SUFU: variants seen among roughly 807,000 people sequenced by gnomAD.
SUFU encodes suppressor of fused homolog.
SUFU carries 7 observed loss-of-function variants against 58.9 expected under a neutral mutation model. That is an observed-to-expected ratio of 0.12 (90% CI 0.07 to 0.22). The LOEUF (loss-of-function observed/expected upper bound fraction) is 0.22, where lower values mean the gene tolerates loss of function less well. Among genes scored for constraint, SUFU ranks in the 10% least tolerant of loss-of-function variants. The probability of loss-of-function intolerance (pLI) is 1.00; values close to 1 mark genes in which losing one functional copy is unlikely to be tolerated. For missense variants in SUFU, 451 were observed against 641.3 expected, an observed-to-expected ratio of 0.70 and a Z score of 3.20; for synonymous variants, 232 against 254.8, an observed-to-expected ratio of 0.91 and a Z score of 0.85.
chr10:102,594,161 T>C (rs1263032172), intron 6 of SUFU, 96 bp downstream of exon 6: 1 of 1,217,240 alleles, frequency 8.2e-7, no homozygotes, highest in Non-Finnish European at 1.2e-6. Context: ...AGGACCTTTA[T>C]GTGTGAGTGA....
intron 2 of SUFU, among the ~76,000 whole-genome samples, chr10:102,546,258 GAGC>G (rs2062853424): frequency 6.6e-6 from 1 of 152,164 alleles, no homozygotes; most frequent in Non-Finnish European, 1.5e-5. Flanking sequence ...CAGGGTTCTT[GAGC>G]AGGAAACAAT....
intron 8 of SUFU, among the ~76,000 whole-genome samples, chr10:102,612,241 C>T (rs1054807772): frequency 1.8e-4 from 27 of 151,630 alleles, no homozygotes; most frequent in Middle Eastern, 3.2e-3. Context: ...GTATAGCAGC[C>T]GCGTTTCCAT....
chr10:102,529,152 C>T (rs976006935), intron 2 of SUFU, among the ~76,000 whole-genome samples: 1 of 151,946 alleles, frequency 6.6e-6, no homozygotes, highest in Non-Finnish European at 1.5e-5. Context: ...TGTGTTGTCA[C>T]CCAACACCAT....
chr10:102,504,091 G>A lies in SUFU; in HGVS notation c.-62G>A. ...ACCCACCGAGTCCGCCCGCTGGCCC[G>A]TCAGTGCTCTCCCCGTCGTTTGCCC... On this transcript the variant is annotated 5_prime_UTR_variant, in exon 1 of 12. Coordinates refer to ENST00000369902, the MANE Select transcript of SUFU (RefSeq NM_016169.4). 1.3e-6 allele frequency: 2 copies of A among 1,496,014 alleles called. No homozygotes were observed. 92.7% of individuals were successfully genotyped at this position (1,496,014 alleles called of 1,614,324 possible).
rs116210157 is a variant in SUFU, at chr10:102,515,068, G to A, written c.317+5765G>A. 9.0e-3 allele frequency among the ~76,000 whole-genome samples: 1,373 copies of A among 152,310 alleles called. 19 individuals carry two copies. The highest frequency in any genetic ancestry group is 0.031 in the African/African-American group (1,296 of 41,560). ...TTGGCGCACATGTCCAGTGGAGTTT[G>A]GAGCAGTTCTGCACCCCCCGTGGGG... On this transcript the variant is annotated intron_variant, in intron 2 of 11. Coordinates refer to ENST00000369902, the MANE Select transcript of SUFU (RefSeq NM_016169.4).
intron 3 of SUFU, among the ~76,000 whole-genome samples, chr10:102,583,734 T>C (rs1231130602): frequency 1.3e-5 from 2 of 152,066 alleles, no homozygotes; most frequent in African/African-American, 4.8e-5. Context: ...ACTTTAAGTT[T>C]TAGGGTACAT....
In SUFU at chr10:102,631,190, G is replaced by A. The variant is rs1172576933; in HGVS notation, c.*1035G>A. On this transcript the variant is annotated 3_prime_UTR_variant, in exon 12 of 12. Transcript: ENST00000369902. ...GGGCCTCCCAGCCTTCAGGCTGTAG[G>A]GCTGCCTTACTAAAATTGAAAAATC... is the stretch of plus-strand genomic sequence containing the variant. 4.3e-6 allele frequency: 1 copy of A among 233,292 alleles called. No individual in the cohort carries two copies. The highest frequency in any genetic ancestry group is 5.6e-5 in the Admixed American group (1 of 17,782). The allele number at this position is 233,292 out of a possible 1,614,324, so 14.5% of individuals were successfully genotyped here. A position where few individuals can be genotyped will look rare whatever the true frequency, so the allele number is the denominator to read the frequency against.
At chr10:102,510,367 G>A (rs910316404) in intron 2 of SUFU, among the ~76,000 whole-genome samples, 4 of 151,578 alleles carry the variant, frequency 2.6e-5, no homozygotes, top group Admixed American at 1.3e-4. Flanking sequence ...CCACCACCAC[G>A]CCCAGCTAAT....
At chr10:102,506,481 C>T (rs1461754219) in intron 1 of SUFU, among the ~76,000 whole-genome samples, 1 of 152,114 alleles carries the variant, frequency 6.6e-6, no homozygotes, top group East Asian at 1.9e-4. Flanking sequence ...CGGTTTCAAG[C>T]GATTCTCGTG....
At chr10:102,505,385 G>T (rs2062312159) in intron 1 of SUFU, among the ~76,000 whole-genome samples, 1 of 152,192 alleles carries the variant, frequency 6.6e-6, no homozygotes, top group South Asian at 2.1e-4. Context: ...GATATTGGTT[G>T]AAACTGTCCA....
intron 1 of SUFU, among the ~76,000 whole-genome samples, chr10:102,504,878 G>A (rs2062304823): frequency 1.3e-5 from 2 of 152,076 alleles, no homozygotes; most frequent in East Asian, 1.9e-4. Flanking sequence ...GAGAGGAGGA[G>A]GTCTCCTTTT....
chr10:102,566,363 C>T (rs2063089006), intron 3 of SUFU, among the ~76,000 whole-genome samples: 1 of 152,188 alleles, frequency 6.6e-6, no homozygotes. Flanking sequence ...GGTGCAGTGT[C>T]TCACGCCTGT....
At chr10:102,520,212 C>CTTTTTTTTTTTT (rs36020604) in intron 2 of SUFU, among the ~76,000 whole-genome samples, 16 of 113,550 alleles carry the variant, frequency 1.4e-4, no homozygotes, top group African/African-American at 3.9e-4. Context: ...TTTTTTCTTT[C>CTTTTTTTTTTTT]TTTTTTTTTT....
chr10:102,574,562 G>A (rs2025714), intron 3 of SUFU, among the ~76,000 whole-genome samples: 152,016 of 152,272 alleles, frequency 1, 75,881 homozygotes, highest in East Asian at 1. Context: ...GCAGTGAGCT[G>A]TAATTGTGCC....
chr10:102,525,298 T>C (rs1168029919), intron 2 of SUFU, among the ~76,000 whole-genome samples: 1 of 151,544 alleles, frequency 6.6e-6, no homozygotes, highest in African/African-American at 2.4e-5. Flanking sequence ...TTAGTAGAGA[T>C]GGGGTTTTGC....
At chr10:102,623,815 C>T (rs1161176570) in intron 10 of SUFU, among the ~76,000 whole-genome samples, 1 of 152,178 alleles carries the variant, frequency 6.6e-6, no homozygotes, top group Non-Finnish European at 1.5e-5. Context: ...TGATGGTCAC[C>T]TGTAATCCCA....
chr10:102,613,901 G>A (rs947660310), intron 8 of SUFU, among the ~76,000 whole-genome samples: 1 of 152,196 alleles, frequency 6.6e-6, no homozygotes, highest in Admixed American at 6.5e-5. Context: ...CCGTGCCAAG[G>A]CCACAGTCAG....
At chr10:102,556,085 G>C in intron 3 of SUFU, among the ~76,000 whole-genome samples, 1 of 152,280 alleles carries the variant, frequency 6.6e-6, no homozygotes, top group Non-Finnish European at 1.5e-5. Flanking sequence ...AGTGACATCC[G>C]CAGTCCTACA....
At chr10:102,504,363 A>C in intron 1 of SUFU, 29 bp downstream of exon 1, 3 of 1,613,436 alleles carry the variant, frequency 1.9e-6, no homozygotes, top group Non-Finnish European at 2.5e-6. Flanking sequence ...GGAGACGGAC[A>C]GGCGCGGGCT....
Sources: gnomAD v4.1 joint callset for allele counts (sites outside exome capture counted in the v4.1 genomes callset) on GRCh38, gnomAD v4.1.1 for gene constraint, MANE v1.5 for transcripts, NCBI Gene and HGNC (gene_info 2026-07-23, HGNC 2026-07-21) for gene names.